Variants in ENPP1 observed in about 807,000 individuals in gnomAD.
ENPP1 encodes the protein ectonucleotide pyrophosphatase/phosphodiesterase family member 1.
Under a neutral mutation model 122.8 loss-of-function variants are expected in ENPP1, and 73 were observed. That is an observed-to-expected ratio of 0.59 (90% CI 0.49 to 0.72). The LOEUF (loss-of-function observed/expected upper bound fraction) is 0.72, where lower values mean the gene tolerates loss of function less well. Among genes scored for constraint, ENPP1 ranks in the 30% least tolerant of loss-of-function variants. The pLI is 0.00. For synonymous variants in ENPP1, 367 were observed against 391.6 expected (o/e 0.94, Z 0.74); for missense variants, 978 against 1,128.1 (o/e 0.87, Z 1.91).
chr6:131,858,164 G>A (rs1447315857), intron 6 of ENPP1, among the ~76,000 whole-genome samples: 1 of 152,156 alleles, frequency 6.6e-6, no homozygotes, highest in Non-Finnish European at 1.5e-5. Context: ...GGAATAGTCG[G>A]ACTTCTGCAC....
intron 12 of ENPP1, 125 bp from the exon 13 acceptor site, chr6:131,869,233 C>A (rs567832218): frequency 2.3e-6 from 2 of 865,512 alleles, no homozygotes; most frequent in East Asian, 2.6e-5. Context: ...ATCAGATCTT[C>A]AACTAATATG....
Position 131,890,633 on chromosome 6 carries a change from G to A in ENPP1, c.*122G>A, listed in dbSNP as rs1374560630. 5.9e-6 allele frequency: 5 copies of A among 845,702 alleles called. No homozygotes were observed. The highest frequency in any genetic ancestry group is 9.8e-6 in the Non-Finnish European group (5 of 509,144). The allele number at this position is 845,702 out of a possible 1,614,324, so 52.4% of individuals were successfully genotyped here. A position where few individuals can be genotyped will look rare whatever the true frequency, so the allele number is the denominator to read the frequency against. On this transcript the variant is annotated 3_prime_UTR_variant, in exon 25 of 25. Transcript: ENST00000647893. The stretch of plus-strand genomic sequence containing the variant: ...GACCAGAGTTAGAACGGAGCCCTCG[G>A]TGATGCGGACATCTCAGGGAAACTT...
chr6:131,856,035 G>A (rs972685891), intron 6 of ENPP1, among the ~76,000 whole-genome samples: 2 of 151,928 alleles, frequency 1.3e-5, no homozygotes, highest in Non-Finnish European at 2.9e-5. Context: ...TCATATGTAC[G>A]TCATTATGCT....
intron 1 of ENPP1, among the ~76,000 whole-genome samples, chr6:131,810,768 T>C (rs139492915): frequency 1.6e-4 from 25 of 152,332 alleles, no homozygotes; most frequent in South Asian, 4.1e-4. Flanking sequence ...GCAGTGGCAA[T>C]GTAATTTTTA....
chr6:131,847,706 TA>T, intron 1 of ENPP1, 69 bp from the exon 2 acceptor site: 2 of 1,156,088 alleles, frequency 1.7e-6, no homozygotes, highest in Non-Finnish European at 1.2e-6. Flanking sequence ...ACACTATCTC[TA>T]AAAATAAAAA....
In ENPP1 at chr6:131,879,897, G is replaced by A; in HGVS notation, c.1963G>A (p.Glu655Lys). 6.2e-7 allele frequency: 1 copy of A among 1,613,700 alleles called. No homozygotes were observed. The highest frequency in any genetic ancestry group is 1.3e-5 in the African/African-American group (1 of 75,020). ...TVAEEKIIKHETLPYGRPRVL... is the reference protein window; with the variant it reads ...TVAEEKIIKHKTLPYGRPRVL... The stretch of plus-strand genomic sequence containing the variant: ...GACCCAAGAGAAGATTATTAAGCAT[G>A]AAACTTTACCCTATGGAAGACCTAG... The change falls in exon 20 of 25, where the codon GAA becomes AAA. Residue 655 changes from glutamate to lysine, a missense_variant. By Grantham distance (56) the Glu-to-Lys change is moderately conservative. Coordinates refer to ENST00000647893, the MANE Select transcript of ENPP1 (RefSeq NM_006208.3).
At position 131,885,171 on chromosome 6, in the gene ENPP1, T is replaced by C. The variant is rs878915042; in HGVS notation, c.2444+108T>C. ...CCTTTTTTATCCAGTGTCGTATGTT[T>C]ATGTGTATGACACTTCTGACTACAC... is the stretch of plus-strand genomic sequence containing the variant. On this transcript the variant is annotated intron_variant, in intron 23 of 24. Transcript: ENST00000647893. 19 of 1,009,998 alleles carry C rather than the reference T, an allele frequency of 1.9e-5. No individual in the cohort carries two copies. In the South Asian group the frequency reaches 2.4e-4, roughly 13 times the overall value. 62.6% of individuals were successfully genotyped at this position (1,009,998 alleles called of 1,614,324 possible).
chr6:131,831,354 T>G (rs1781611496), intron 1 of ENPP1, among the ~76,000 whole-genome samples: 1 of 152,194 alleles, frequency 6.6e-6, no homozygotes, highest in Non-Finnish European at 1.5e-5. Flanking sequence ...CTTACATTAG[T>G]AAGGTCCATT....
chr6:131,890,522 A>T lies in ENPP1; in HGVS notation c.*11A>T. Reference sequence around the variant, plus strand: ...AGCCAAGAAGACTGATATGTTTTTTATCCCCAAACACCATGAATCTTTTTG... The same window carrying T: ...AGCCAAGAAGACTGATATGTTTTTTTTCCCCAAACACCATGAATCTTTTTG... On this transcript the variant is annotated 3_prime_UTR_variant, in exon 25 of 25. Coordinates refer to ENST00000647893, the MANE Select transcript of ENPP1 (RefSeq NM_006208.3). 6.2e-7 allele frequency: 1 copy of T among 1,605,610 alleles called. No individual in the cohort carries two copies. Among genetic ancestry groups the T allele is most frequent in the Non-Finnish European group, 8.5e-7 (1 of 1,172,198 alleles).
In ENPP1 at chr6:131,852,564, G is replaced by T. The variant is rs187720901; in HGVS notation, c.617+329G>T. ...GATGTCAGATTTTCAGATTTGGGAT[G>T]CCCAACCTGTATTTTTAGCCAGATC... On this transcript the variant is annotated intron_variant, in intron 5 of 24. Transcript: ENST00000647893. 9.6e-4 allele frequency among the ~76,000 whole-genome samples: 146 copies of T among 152,244 alleles called. 1 individual carries two copies. Among genetic ancestry groups the T allele is most frequent in the African/African-American group, 3.4e-3 (140 of 41,552 alleles).
chr6:131,835,987 GA>G (rs1781668695), intron 1 of ENPP1, among the ~76,000 whole-genome samples: 1 of 152,092 alleles, frequency 6.6e-6, no homozygotes, highest in African/African-American at 2.4e-5. Flanking sequence ...ACCACTTAAG[GA>G]TTTCCATTTC....
rs147817019 is a variant in ENPP1 at position 131,843,520 on chromosome 6, C to T, written c.241-4256C>T. Reference sequence around the variant, plus strand: ...CACCTAGTCTTTCCATAGTAGTTTTCCTGTCCATCTAGTTCTTCTACTCAT... The same window carrying T: ...CACCTAGTCTTTCCATAGTAGTTTTTCTGTCCATCTAGTTCTTCTACTCAT... On this transcript the variant is annotated intron_variant, in intron 1 of 24. Transcript: ENST00000647893. Among the ~76,000 whole-genome samples the T allele has an allele frequency of 2.0e-5, 3 of 152,282 alleles. No individual in the cohort carries two copies. In the East Asian group the frequency reaches 5.8e-4, roughly 29 times the overall value.
At chr6:131,878,925 A>G (rs1008423179) in intron 19 of ENPP1, among the ~76,000 whole-genome samples, 1 of 152,206 alleles carries the variant, frequency 6.6e-6, no homozygotes, top group African/African-American at 2.4e-5. Context: ...TGAAATACCT[A>G]AGTTTCTATC....
intron 9 of ENPP1, among the ~76,000 whole-genome samples, chr6:131,862,220 G>A (rs1251212008): frequency 1.3e-5 from 2 of 152,056 alleles, no homozygotes; most frequent in Non-Finnish European, 2.9e-5. Context: ...GACTAGACAA[G>A]TGTTTTCTAG....
rs1782180842 is a variant in ENPP1 at position 131,872,903 on chromosome 6, T to C, written c.1438-20T>C. The C allele has an allele frequency of 6.2e-7, 1 of 1,613,124 alleles. No individual in the cohort carries two copies. The highest frequency in any genetic ancestry group is 1.3e-5 in the African/African-American group (1 of 74,894). On this transcript the variant is annotated intron_variant, in intron 14 of 24. Transcript: ENST00000647893. ...GATATTAGGGAAATAATAGTTTTTC[T>C]TTGCTGTTTGCAATTTCAGTGCCGG...
chr6:131,879,859 A>G (rs1782278727), intron 19 of ENPP1, 21 bp from the exon 20 acceptor site: 2 of 1,607,988 alleles, frequency 1.2e-6, no homozygotes, highest in Non-Finnish European at 1.7e-6. Context: ...AACTACATTT[A>G]TTTTCATCCT....
At position 131,872,039 on chromosome 6, in the gene ENPP1, A is replaced by T. The variant is rs547089727; in HGVS notation, c.1406-31A>T. 73 of 1,488,920 alleles carry T rather than the reference A, an allele frequency of 4.9e-5. 1 individual carries two copies. The South Asian group carries it at 7.6e-4, about 16-fold the overall frequency. The allele number at this position is 1,488,920 out of a possible 1,614,324, so 92.2% of individuals were successfully genotyped here. On this transcript the variant is annotated intron_variant, in intron 13 of 24. Transcript: ENST00000647893. Reference sequence around the variant, plus strand: ...ATGTTTTAATTATAGTATACAATCAACTATTAATTCTTATGTTTGTTCCCC... The same window carrying T: ...ATGTTTTAATTATAGTATACAATCATCTATTAATTCTTATGTTTGTTCCCC...
At chr6:131,885,274 G>A (rs963413964) in intron 23 of ENPP1, among the ~76,000 whole-genome samples, 2 of 152,180 alleles carry the variant, frequency 1.3e-5, no homozygotes, top group African/African-American at 4.8e-5. Context: ...TAAAAAAGTA[G>A]TGTTTCTCAC....
rs1782480171 is a variant in ENPP1, at chr6:131,892,212, C to T, written c.*1701C>T. The T allele has an allele frequency of 6.6e-6, 1 of 152,012 alleles. No individual in the cohort carries two copies. The highest frequency in any genetic ancestry group is 2.1e-4 in the South Asian group (1 of 4,806). 9.4% of individuals were successfully genotyped at this position (152,012 alleles called of 1,614,324 possible). On this transcript the variant is annotated 3_prime_UTR_variant, in exon 25 of 25. Coordinates refer to ENST00000647893, the MANE Select transcript of ENPP1 (RefSeq NM_006208.3). ...TGTGTGGAATGATTTTTTATTGAAA[C>T]CTGGATATTTTTAGGTATTATGTTA...
Sources: allele counts gnomAD v4.1 joint callset (sites outside exome capture counted in the v4.1 genomes callset), GRCh38; gene constraint gnomAD v4.1.1; transcripts MANE v1.5; gene names NCBI Gene and HGNC (gene_info 2026-07-23, HGNC 2026-07-21).